TTLL3: variants seen among roughly 807,000 people sequenced by gnomAD.
The protein encoded by TTLL3 is tubulin tyrosine ligase like 3, also known as tubulin monoglycylase TTLL3.
TTLL3 carries 63 observed loss-of-function variants against 75.2 expected under a neutral mutation model. The observed-to-expected ratio is 0.84, with a 90% CI of 0.68 to 1.03. The LOEUF (loss-of-function observed/expected upper bound fraction) is 1.03. TTLL3 is among the 50% of genes least tolerant of loss of function. The probability of loss-of-function intolerance (pLI) is 0.00; values close to 1 mark genes in which losing one functional copy is unlikely to be tolerated. For synonymous variants in TTLL3, 393 were observed against 418.5 expected, an observed-to-expected ratio of 0.94 and a Z score of 0.74; for missense variants, 997 against 1,069.9, an observed-to-expected ratio of 0.93 and a Z score of 0.95.
chr3:9,833,247 C>A lies in TTLL3; in HGVS notation c.1825+2C>A, dbSNP rs746956358. 17 of 1,613,624 alleles carry A rather than the reference C, an allele frequency of 1.1e-5. No homozygotes were observed. Among genetic ancestry groups the A allele is most frequent in the Non-Finnish European group, 4.2e-6 (5 of 1,179,910 alleles). On this transcript the variant is annotated splice_donor_variant, in intron 12 of 13. Coordinates refer to ENST00000685419, the MANE Select transcript of TTLL3 (RefSeq NM_001387446.1). LOFTEE classifies it high-confidence loss of function. Reference sequence around the variant, plus strand: ...TGACCCAGCGAGGCTCTGGGGAAGGCAAGGACTCGGGGACCCCTACCCACA... The same window carrying A: ...TGACCCAGCGAGGCTCTGGGGAAGGAAAGGACTCGGGGACCCCTACCCACA...
chr3:9,809,951 G>A (rs984772993), upstream of TTLL3: 2 of 150,830 alleles, frequency 1.3e-5, no homozygotes, highest in East Asian at 8.5e-5. Flanking sequence ...AGGAGGCGGC[G>A]ACGCGGAGGG....
intron 5 of TTLL3, among the ~76,000 whole-genome samples, chr3:9,816,827 C>T (rs2079915059): frequency 6.6e-6 from 1 of 152,068 alleles, no homozygotes; most frequent in Admixed American, 6.6e-5. Flanking sequence ...GTGACTTCAC[C>T]TCTCTGAGCC....
chr3:9,827,678 A>G, intron 10 of TTLL3: 1 of 219,214 alleles, frequency 4.6e-6, no homozygotes, highest in South Asian at 7.5e-5. Flanking sequence ...GGATTACACT[A>G]TGCCTGGCCC....
At chr3:9,812,827 G>A (rs987016502) in intron 2 of TTLL3, 116 bp from the exon 3 acceptor site, 2 of 1,218,830 alleles carry the variant, frequency 1.6e-6, no homozygotes, top group African/African-American at 3.0e-5. Flanking sequence ...TTCTCCTAAT[G>A]GAATATAAAA....
chr3:9,817,163 G>T (rs1342576086), intron 5 of TTLL3, among the ~76,000 whole-genome samples: 2 of 152,094 alleles, frequency 1.3e-5, no homozygotes, highest in Non-Finnish European at 2.9e-5. Flanking sequence ...AGTGGCTCAC[G>T]CCTGTAATCC....
chr3:9,834,436 CA>C (rs1287567791), intron 12 of TTLL3: 1 of 698,966 alleles, frequency 1.4e-6, no homozygotes, highest in Admixed American at 2.0e-5. Context: ...GCCGAGGTAT[CA>C]GGAAGTTTAA....
rs1279768211 is a variant in TTLL3 at position 9,810,416 on chromosome 3, C to A, written c.-42+22C>A. On this transcript the variant is annotated intron_variant, in intron 1 of 13. Coordinates refer to ENST00000685419, the MANE Select transcript of TTLL3 (RefSeq NM_001387446.1). This position sits in a 1 kb window ranked among gnomAD's most constrained non-coding sequence, Gnocchi z 4.4. The stretch of plus-strand genomic sequence containing the variant: ...GATGGTGAGGCCCGTGCGGCCCGCT[C>A]GCTCTGGCCTACAGCGGCTGCGAGG... 3.0e-5 allele frequency: 43 copies of A among 1,413,778 alleles called. No homozygotes were observed. Among genetic ancestry groups the A allele is most frequent in the Non-Finnish European group, 3.9e-5 (42 of 1,090,364 alleles). The allele number at this position is 1,413,778 out of a possible 1,614,324, so 87.6% of individuals were successfully genotyped here.
Position 9,810,790 on chromosome 3 carries a change from T to TA in TTLL3, c.48+87dup. On this transcript the variant is annotated intron_variant, in intron 2 of 13. Transcript: ENST00000685419. The surrounding 1 kb of genome is among the most constrained non-coding windows in gnomAD (Gnocchi z 4.4). ...TCCCTGCGCTGTTTTCTTATATCCTTAAAAAACAAAAGCAAAAGAAAAAAC... is the reference window on the plus strand; with the variant it reads ...TCCCTGCGCTGTTTTCTTATATCCTTAAAAAAACAAAAGCAAAAGAAAAAAC... 2.3e-6 allele frequency: 3 copies of TA among 1,302,730 alleles called. No homozygotes were observed. Among genetic ancestry groups the TA allele is most frequent in the Non-Finnish European group, 3.1e-6 (3 of 957,580 alleles). 80.7% of individuals were successfully genotyped at this position (1,302,730 alleles called of 1,614,324 possible).
rs949059578 is a variant in TTLL3 at position 9,829,406 on chromosome 3, T to G, written c.1683+11T>G. 2 of 1,573,050 alleles carry G rather than the reference T, an allele frequency of 1.3e-6. No individual in the cohort carries two copies. Among genetic ancestry groups the G allele is most frequent in the East Asian group, 2.3e-5 (1 of 44,284 alleles). ...CTCATCTATAAGCAGGTGAGGAGGT[T>G]GGGCCCAGGCAGGACCCCAGAGAGT... On this transcript the variant is annotated intron_variant, in intron 11 of 13. Transcript: ENST00000685419.
At chr3:9,832,959 G>A (rs1178572414) in intron 11 of TTLL3, 145 bp from the exon 12 acceptor site, 5 of 938,260 alleles carry the variant, frequency 5.3e-6, no homozygotes, top group Non-Finnish European at 6.5e-6. Context: ...ACTCAGAGGT[G>A]GGCTTTCCAT....
intron 4 of TTLL3, among the ~76,000 whole-genome samples, chr3:9,815,701 T>C (rs1447652766): frequency 6.6e-6 from 1 of 152,228 alleles, no homozygotes; most frequent in Non-Finnish European, 1.5e-5. Context: ...CATAGGTGGG[T>C]CTATGTCTCA....
intron 11 of TTLL3, among the ~76,000 whole-genome samples, chr3:9,832,414 G>A (rs2081640971): frequency 6.6e-6 from 1 of 152,096 alleles, no homozygotes; most frequent in Non-Finnish European, 1.5e-5. Flanking sequence ...CAAGCTCCAA[G>A]TAATTCTGAT....
At chr3:9,810,172 G>A (rs752175672), upstream of TTLL3, 8 of 1,470,856 alleles carry the variant, frequency 5.4e-6, no homozygotes, top group African/African-American at 8.8e-5. The surrounding 1 kb of genome is among the most constrained non-coding windows in gnomAD (Gnocchi z 4.4). Context: ...GCGCCGCTCC[G>A]AGTTCCGTCC....
chr3:9,823,267 C>G (rs1676399494), intron 8 of TTLL3, among the ~76,000 whole-genome samples: 1 of 152,036 alleles, frequency 6.6e-6, no homozygotes, highest in African/African-American at 2.4e-5. Flanking sequence ...GCCTGTAGTC[C>G]TAGCTACTCG....
intron 11 of TTLL3, among the ~76,000 whole-genome samples, chr3:9,832,897 TC>T (rs1363728880): frequency 6.6e-6 from 1 of 152,072 alleles, no homozygotes; most frequent in Admixed American, 6.5e-5. Flanking sequence ...TGGCTAGGAT[TC>T]CCCCTTCCTC....
chr3:9,833,128 G>T lies in TTLL3; in HGVS notation c.1708G>T (p.Val570Leu), dbSNP rs1242645430. The change falls in exon 12 of 14, where the codon GTG (valine) becomes TTG (leucine). Residue 570 changes from valine to leucine, a missense_variant. Coordinates refer to ENST00000685419, the MANE Select transcript of TTLL3 (RefSeq NM_001387446.1). Reference protein sequence around the residue: ...KQPAVEVPQYVGIRLLVEGFT... With the variant: ...KQPAVEVPQYLGIRLLVEGFT... The stretch of plus-strand genomic sequence containing the variant: ...GCCTGCTGTGGAGGTGCCTCAATAT[G>T]TGGGCATCCGGCTCCTGGTAGAGGG... 1.2e-6 allele frequency: 2 copies of T among 1,614,084 alleles called. No individual in the cohort carries two copies. Among genetic ancestry groups the T allele is most frequent in the Non-Finnish European group, 1.7e-6 (2 of 1,180,048 alleles).
At chr3:9,819,065 T>C (rs2080168069) in intron 7 of TTLL3, 145 bp downstream of exon 7, 2 of 1,053,000 alleles carry the variant, frequency 1.9e-6, no homozygotes, top group Admixed American at 4.4e-5. Context: ...TCTACCCATC[T>C]ATCCATCCAT....
chr3:9,832,525 C>G (rs977068660), intron 11 of TTLL3, among the ~76,000 whole-genome samples: 1 of 152,214 alleles, frequency 6.6e-6, no homozygotes, highest in East Asian at 1.9e-4. Context: ...TGGAGCCCAG[C>G]TGAGGGCAGG....
chr3:9,815,210 C>T (rs1379804127), intron 4 of TTLL3, among the ~76,000 whole-genome samples: 1 of 148,940 alleles, frequency 6.7e-6, no homozygotes, highest in Non-Finnish European at 1.5e-5. Flanking sequence ...CACTGCACTC[C>T]AGCCTGGGCG....
Sources: gnomAD v4.1 joint callset for allele counts (sites outside exome capture counted in the v4.1 genomes callset) on GRCh38, gnomAD v4.1.1 for gene constraint, Gnocchi (gnomAD v3.1) non-coding constraint, MANE v1.5 for transcripts, NCBI Gene and HGNC (gene_info 2026-07-23, HGNC 2026-07-21) for gene names.